SNX29: variants seen among roughly 807,000 people sequenced by gnomAD.
SNX29 encodes sorting nexin 29.
A neutral mutation model predicts 102.1 loss-of-function variants in SNX29; 78 were observed. The observed-to-expected ratio is 0.76, with a 90% CI of 0.64 to 0.92. The LOEUF is 0.92. SNX29 is among the 40% of genes least tolerant of loss of function. The pLI, the probability that SNX29 is intolerant of heterozygous loss-of-function variation, is 0.00. For synonymous variants in SNX29, 580 were observed against 414.5 expected (o/e 1.40, Z -4.85); for missense variants, 1,280 against 1,061.7 (o/e 1.21, Z -2.86).
chr16:12,478,362 A>AT (rs749379695), intron 19 of SNX29, among the ~76,000 whole-genome samples: 1 of 152,230 alleles, frequency 6.6e-6, no homozygotes, highest in Non-Finnish European at 1.5e-5. Flanking sequence ...GTTCACTTCA[A>AT]CTTGTGACTG....
intron 15 of SNX29, among the ~76,000 whole-genome samples, chr16:12,314,262 G>C (rs565883869): frequency 6.6e-6 from 1 of 152,230 alleles, no homozygotes; most frequent in Non-Finnish European, 1.5e-5. Context: ...GCCTCCCAAA[G>C]TACTGGCATT....
intron 11 of SNX29, among the ~76,000 whole-genome samples, chr16:12,079,922 A>G (rs571277247): frequency 6.1e-4 from 93 of 152,334 alleles, no homozygotes; most frequent in African/African-American, 2.1e-3. Flanking sequence ...GATAGGGAAA[A>G]AAATTACAAT....
At chr16:12,527,451 T>C (rs2076817471) in intron 20 of SNX29, 4 of 430,070 alleles carry the variant, frequency 9.3e-6, no homozygotes, top group Non-Finnish European at 1.3e-5. Context: ...CCTTGGTTCT[T>C]TCAAATGTTG....
At chr16:12,186,069 A>T (rs980826051) in intron 13 of SNX29, among the ~76,000 whole-genome samples, 2 of 152,164 alleles carry the variant, frequency 1.3e-5, no homozygotes, top group Non-Finnish European at 2.9e-5. Context: ...ATTATTTAAT[A>T]TGCTGTTTTT....
At chr16:12,566,945 A>T (rs1434830887) in intron 20 of SNX29, among the ~76,000 whole-genome samples, 1 of 152,250 alleles carries the variant, frequency 6.6e-6, no homozygotes, top group Non-Finnish European at 1.5e-5. Context: ...TCAGGGTGTC[A>T]AACTTGAAAC....
intron 13 of SNX29, among the ~76,000 whole-genome samples, chr16:12,153,488 A>G (rs1321271868): frequency 1.3e-5 from 2 of 150,344 alleles, no homozygotes; most frequent in African/African-American, 4.9e-5. Flanking sequence ...AACAAAAAAC[A>G]AAAAACCAAA....
rs150720123 is a variant in SNX29, at chr16:12,356,361, A to G, written c.1899+82A>G. On this transcript the variant is annotated intron_variant, in intron 16 of 20. Transcript: ENST00000566228. Reference sequence around the variant, plus strand: ...AGAAAAGCACAGAGACTCACAGAGCAAGCAACCATGCATCCACTGGCCAGA... The same window carrying G: ...AGAAAAGCACAGAGACTCACAGAGCGAGCAACCATGCATCCACTGGCCAGA... 4.1e-5 allele frequency: 54 copies of G among 1,313,954 alleles called. No individual in the cohort carries two copies. The African/African-American group carries it at 6.1e-4, about 15-fold the overall frequency. The allele number at this position is 1,313,954 out of a possible 1,614,324, so 81.4% of individuals were successfully genotyped here. A position where few individuals can be genotyped will look rare whatever the true frequency, so the allele number is the denominator to read the frequency against.
In SNX29 at chr16:12,462,016, T is replaced by TACACACACACAC. The variant is rs375061825; in HGVS notation, c.2038-15686_2038-15675dup. Among the ~76,000 whole-genome samples the TACACACACACAC allele has an allele frequency of 2.1e-3, 136 of 65,148 alleles. 2 individuals carry two copies. The highest frequency in any genetic ancestry group is 8.9e-3 in the African/African-American group (89 of 10,040). 42.7% of individuals were successfully genotyped at this position (65,148 alleles called of 152,430 possible). A position where few individuals can be genotyped will look rare whatever the true frequency, so the allele number is the denominator to read the frequency against. On this transcript the variant is annotated intron_variant, in intron 18 of 20. Coordinates refer to ENST00000566228, the MANE Select transcript of SNX29 (RefSeq NM_032167.5). ...ATATATATATATATATATATATGTA[T>TACACACACACAC]ACACACACACACACACACACACACA...
At chr16:12,379,249 A>C (rs143203018) in intron 16 of SNX29, among the ~76,000 whole-genome samples, 1 of 152,208 alleles carries the variant, frequency 6.6e-6, no homozygotes, top group Non-Finnish European at 1.5e-5. Flanking sequence ...TTATCCTCCC[A>C]CTTCAGGCTC....
intron 3 of SNX29, among the ~76,000 whole-genome samples, chr16:12,010,726 C>T (rs1233813044): frequency 6.6e-6 from 1 of 150,854 alleles, no homozygotes; most frequent in African/African-American, 2.4e-5. Flanking sequence ...TCAAAGCATG[C>T]AGAAAAGAAT....
chr16:12,472,536 A>AC (rs2087400292), intron 18 of SNX29, among the ~76,000 whole-genome samples: 1 of 149,782 alleles, frequency 6.7e-6, no homozygotes, highest in African/African-American at 2.4e-5. Flanking sequence ...AACCAAAAAA[A>AC]AAAAAAACAA....
At chr16:12,028,309 G>T (rs560748478) in intron 4 of SNX29, among the ~76,000 whole-genome samples, 45 of 152,194 alleles carry the variant, frequency 3.0e-4, no homozygotes, top group Admixed American at 7.9e-4. Context: ...TCTCCTTCAT[G>T]TTGCTGTATC....
intron 14 of SNX29, among the ~76,000 whole-genome samples, chr16:12,266,629 A>G (rs1441014918): frequency 1.4e-5 from 2 of 145,868 alleles, no homozygotes. Flanking sequence ...TTGAACCCAG[A>G]GATGGCGTGT....
At chr16:12,401,317 T>C (rs1012235974) in intron 17 of SNX29, among the ~76,000 whole-genome samples, 2 of 151,952 alleles carry the variant, frequency 1.3e-5, no homozygotes, top group African/African-American at 4.8e-5. Flanking sequence ...TTTTAAAAAT[T>C]GAAATCATCC....
intron 9 of SNX29, among the ~76,000 whole-genome samples, chr16:12,061,939 G>T (rs190223595): frequency 6.6e-6 from 1 of 152,274 alleles, no homozygotes; most frequent in East Asian, 1.9e-4. Context: ...GTGGCCCGTT[G>T]AACTTGGTCG....
rs553192968 is a variant in SNX29 at position 12,573,540 on chromosome 16, G to A, written c.*4911G>A. ...GGATTTAGTTCTTACTGGTGCGTAAGTGTTTTCCCATCCTAACCGGAAAAC... is the reference window on the plus strand; with the variant it reads ...GGATTTAGTTCTTACTGGTGCGTAAATGTTTTCCCATCCTAACCGGAAAAC... On this transcript the variant is annotated 3_prime_UTR_variant, in exon 21 of 21. Transcript: ENST00000566228. 4.9e-4 allele frequency: 111 copies of A among 224,352 alleles called. 1 individual carries two copies. Among genetic ancestry groups the A allele is most frequent in the African/African-American group, 2.2e-3 (97 of 44,978 alleles). The allele number at this position is 224,352 out of a possible 1,614,324, so 13.9% of individuals were successfully genotyped here. A position where few individuals can be genotyped will look rare whatever the true frequency, so the allele number is the denominator to read the frequency against.
intron 14 of SNX29, among the ~76,000 whole-genome samples, chr16:12,261,506 T>A (rs1274436219): frequency 1.2e-4 from 16 of 134,752 alleles, no homozygotes; most frequent in African/African-American, 4.5e-4. Flanking sequence ...GGAGTGAGTG[T>A]TTGCTGAGCT....
In SNX29 at chr16:12,126,691, G is replaced by T; in HGVS notation, c.1461G>T (p.Glu487Asp). The T allele has an allele frequency of 6.2e-7, 1 of 1,613,980 alleles. No individual in the cohort carries two copies. ...ACAGGAAGGATGAGCTGGAGGAGGAGAACAGGTACCGTGATTTTCAGGCTT... is the reference window on the plus strand; with the variant it reads ...ACAGGAAGGATGAGCTGGAGGAGGATAACAGGTACCGTGATTTTCAGGCTT... ...MMNRKDELEEENRSLRNLLDG... is the reference protein window; with the variant it reads ...MMNRKDELEEDNRSLRNLLDG... Residue 487 changes from glutamate to aspartate, a missense_variant, in exon 12 of 21, where the codon GAG becomes GAT. By Grantham distance (45) the Glu-to-Asp change is conservative. Coordinates refer to ENST00000566228, the MANE Select transcript of SNX29 (RefSeq NM_032167.5).
intron 14 of SNX29, among the ~76,000 whole-genome samples, chr16:12,236,901 G>C (rs1018373260): frequency 2.0e-5 from 3 of 152,212 alleles, no homozygotes; most frequent in African/African-American, 7.2e-5. Flanking sequence ...ACGTGGTGAA[G>C]GTCAGCAAGT....
Sources: gnomAD v4.1 joint callset for allele counts (sites outside exome capture counted in the v4.1 genomes callset) on GRCh38, gnomAD v4.1.1 for gene constraint, MANE v1.5 for transcripts, NCBI Gene and HGNC (gene_info 2026-07-23, HGNC 2026-07-21) for gene names.